NPIPA1: variants seen among roughly 807,000 people sequenced by gnomAD.
The protein encoded by NPIPA1 is nuclear pore complex interacting protein family member A1, also known as nuclear pore complex-interacting protein family member A1.
For synonymous variants in NPIPA1, 7 were observed against 88.0 expected, an observed-to-expected ratio of 0.08 and a Z score of 5.15; for missense variants, 22 against 232.2, an observed-to-expected ratio of 0.09 and a Z score of 5.88.
In NPIPA1 at chr16:14,945,267, T is replaced by TGTGA. The variant is rs1349396254; in HGVS notation, c.193-306_193-305insTGAG. ...GTGTGTGTGTGTGTGTGTGTGTGTG[T>TGTGA]GAGACAGAGTCTCATTCTGTCACTC... is the stretch of plus-strand genomic sequence containing the variant. On this transcript the variant is annotated intron_variant, in intron 2 of 7. Coordinates refer to ENST00000328085, the MANE Select transcript of NPIPA1 (RefSeq NM_006985.4). 6.0e-4 allele frequency among the ~76,000 whole-genome samples: 79 copies of TGTGA among 132,146 alleles called. 2 individuals are homozygous for TGTGA. Among genetic ancestry groups the TGTGA allele is most frequent in the African/African-American group, 2.0e-3 (72 of 35,152 alleles). 86.7% of individuals were successfully genotyped at this position (132,146 alleles called of 152,430 possible). A position where few individuals can be genotyped will look rare whatever the true frequency, so the allele number is the denominator to read the frequency against.
Position 14,951,738 on chromosome 16 carries a change from A to G in NPIPA1, c.766A>G (p.Ile256Val), listed in dbSNP as rs199842770. The G allele has an allele frequency of 4.0e-4, 617 of 1,536,378 alleles. 44 individuals carry two copies. The highest frequency in any genetic ancestry group is 1.2e-3 in the Admixed American group (64 of 55,376). The change falls in exon 8 of 8, where the codon ATA becomes GTA. Residue 256 changes from isoleucine (I) to valine (V), a missense_variant. By Grantham distance (29) the Ile-to-Val change is conservative (BLOSUM62 3). Coordinates refer to ENST00000328085, the MANE Select transcript of NPIPA1 (RefSeq NM_006985.4). ...ACCTCCTCCAACTCAACAACATTCTATAATTGATAACTCCCTGAGCCTCAA... is the reference window on the plus strand; with the variant it reads ...ACCTCCTCCAACTCAACAACATTCTGTAATTGATAACTCCCTGAGCCTCAA... Reference protein sequence around the residue: ...QPPPPTQQHSIIDNSLSLKTP... With the variant: ...QPPPPTQQHSVIDNSLSLKTP...
At chr16:14,946,882 G>A (rs1468565636) in intron 4 of NPIPA1, among the ~76,000 whole-genome samples, 1 of 152,224 alleles carries the variant, frequency 6.6e-6, no homozygotes, top group Non-Finnish European at 1.5e-5. Flanking sequence ...TTTAGTAGAG[G>A]CGGGGTTTCA....
intron 2 of NPIPA1, among the ~76,000 whole-genome samples, chr16:14,945,227 G>GTGGT (rs748459839): frequency 5.1e-5 from 7 of 137,746 alleles, no homozygotes; most frequent in Admixed American, 1.5e-4. Flanking sequence ...ATTCTTGTGT[G>GTGGT]GTGTGTGTGT....
At chr16:14,946,442 G>A (rs1204276810) in intron 4 of NPIPA1, among the ~76,000 whole-genome samples, 111 of 150,184 alleles carry the variant, frequency 7.4e-4, no homozygotes, top group African/African-American at 2.6e-3. Flanking sequence ...GACTGGTCTC[G>A]AACTTCTGAC....
At chr16:14,946,409 A>G (rs1323961295) in intron 4 of NPIPA1, among the ~76,000 whole-genome samples, 3 of 147,704 alleles carry the variant, frequency 2.0e-5, no homozygotes, top group African/African-American at 7.4e-5. Flanking sequence ...TTTACTAGAG[A>G]TGGGGTTTCA....
chr16:14,945,229 TGTGTGTGTG>T (rs1965855834), intron 2 of NPIPA1, among the ~76,000 whole-genome samples: 1 of 137,024 alleles, frequency 7.3e-6, no homozygotes, highest in Admixed American at 7.2e-5. Context: ...TCTTGTGTGG[TGTGTGTGTG>T]TGTGTGTGTG....
In NPIPA1 at chr16:14,945,230, GTGT is replaced by G. The variant is rs1567575386; in HGVS notation, c.193-343_193-341del. 5.9e-4 allele frequency among the ~76,000 whole-genome samples: 77 copies of G among 131,446 alleles called. 1 individual carries two copies. Among genetic ancestry groups the G allele is most frequent in the African/African-American group, 2.3e-3 (76 of 32,918 alleles). 86.2% of individuals were successfully genotyped at this position (131,446 alleles called of 152,430 possible). ...CAGCCTCATGTCATTCTTGTGTGGT[GTGT>G]GTGTGTGTGTGTGTGTGTGTGTGTG... On this transcript the variant is annotated intron_variant, in intron 2 of 7. Transcript: ENST00000328085.
intron 2 of NPIPA1, among the ~76,000 whole-genome samples, chr16:14,943,406 T>C (rs1460986802): frequency 6.7e-6 from 1 of 148,178 alleles, no homozygotes; most frequent in African/African-American, 2.5e-5. Flanking sequence ...TCCACCCGCC[T>C]CAGCCTCCCA....
intron 2 of NPIPA1, among the ~76,000 whole-genome samples, chr16:14,944,078 G>A (rs1965818682): frequency 1.3e-5 from 2 of 152,098 alleles, no homozygotes; most frequent in Admixed American, 1.3e-4. Flanking sequence ...GAATCTGGGA[G>A]GTGGAGGTTG....
At chr16:14,937,892 C>CG (rs1290341378) in intron 1 of NPIPA1, among the ~76,000 whole-genome samples, 3 of 143,494 alleles carry the variant, frequency 2.1e-5, no homozygotes, top group African/African-American at 7.6e-5. Context: ...CTAAGCCTCA[C>CG]GCTCCCTTGC....
chr16:14,938,528 T>C (rs1292507027), intron 1 of NPIPA1, among the ~76,000 whole-genome samples: 2 of 143,374 alleles, frequency 1.4e-5, no homozygotes, highest in Non-Finnish European at 3.0e-5. Context: ...CGAAACCCCA[T>C]CTCTACAAAA....
chr16:14,940,418 A>T (rs1242467505), intron 1 of NPIPA1, among the ~76,000 whole-genome samples: 1 of 152,176 alleles, frequency 6.6e-6, no homozygotes, highest in Admixed American at 6.5e-5. Flanking sequence ...TAAAGAAAAG[A>T]TAACTACTGG....
intron 4 of NPIPA1, among the ~76,000 whole-genome samples, chr16:14,947,103 C>T (rs1302406631): frequency 2.0e-5 from 3 of 152,238 alleles, no homozygotes; most frequent in African/African-American, 7.2e-5. Context: ...AGCCACCGCA[C>T]CCAGCCTGGA....
intron 4 of NPIPA1, among the ~76,000 whole-genome samples, chr16:14,947,843 G>A (rs1965929379): frequency 6.6e-6 from 1 of 152,102 alleles, no homozygotes; most frequent in Non-Finnish European, 1.5e-5. Flanking sequence ...CACAGCAGGA[G>A]TAGTGATGTC....
At chr16:14,942,761 G>A (rs1965781467) in intron 2 of NPIPA1, among the ~76,000 whole-genome samples, 1 of 152,376 alleles carries the variant, frequency 6.6e-6, no homozygotes, top group South Asian at 2.1e-4. Flanking sequence ...AGATCCGTAT[G>A]TCAAAAGTCT....
At chr16:14,945,369 C>A (rs1463234933) in intron 2 of NPIPA1, among the ~76,000 whole-genome samples, 1 of 146,142 alleles carries the variant, frequency 6.8e-6, no homozygotes, top group African/African-American at 2.5e-5. Context: ...CTGCCTCAGC[C>A]TCCCGAGTAG....
chr16:14,938,129 G>T lies in NPIPA1; in HGVS notation c.63+624G>T, dbSNP rs1187303570. 141 of 761,214 alleles carry T rather than the reference G, an allele frequency of 1.9e-4. No homozygotes were observed. In the African/African-American group the frequency reaches 2.4e-3, roughly 13 times the overall value. The allele number at this position is 761,214 out of a possible 1,614,324, so 47.2% of individuals were successfully genotyped here. ...CCCCTCCCCAACTCAGATCCGGCCCGGTCCCCGTCCCCTTCCCTCCCCCCT... is the reference window on the plus strand; with the variant it reads ...CCCCTCCCCAACTCAGATCCGGCCCTGTCCCCGTCCCCTTCCCTCCCCCCT... On this transcript the variant is annotated intron_variant, in intron 1 of 7. Coordinates refer to ENST00000328085, the MANE Select transcript of NPIPA1 (RefSeq NM_006985.4).
In NPIPA1 at chr16:14,946,935, C is replaced by T. The variant is rs1423989575; in HGVS notation, c.437+954C>T. On this transcript the variant is annotated intron_variant, in intron 4 of 7. Coordinates refer to ENST00000328085, the MANE Select transcript of NPIPA1 (RefSeq NM_006985.4). The stretch of plus-strand genomic sequence containing the variant: ...GTCTAGAACTCCTGACATCATGATC[C>T]GCACAACTCGGCCTCCCAATGTGCT... Among the ~76,000 whole-genome samples the T allele has an allele frequency of 8.5e-5, 13 of 152,182 alleles. No homozygotes were observed. In the East Asian group the frequency reaches 9.7e-4, roughly 11 times the overall value.
chr16:14,946,777 C>T (rs1329934572), intron 4 of NPIPA1, among the ~76,000 whole-genome samples: 1 of 149,132 alleles, frequency 6.7e-6, no homozygotes, highest in Non-Finnish European at 1.5e-5. Context: ...TCACTGCAAC[C>T]TCCGCCTCCC....
Sources: gnomAD v4.1 joint callset for allele counts (sites outside exome capture counted in the v4.1 genomes callset) on GRCh38, gnomAD v4.1.1 for gene constraint, MANE v1.5 for transcripts, NCBI Gene and HGNC (gene_info 2026-07-23, HGNC 2026-07-21) for gene names.